Variants in ARMC2 observed in about 807,000 individuals in gnomAD.
The protein encoded by ARMC2 is armadillo repeat containing 2, also known as armadillo repeat-containing protein 2.
A neutral mutation model predicts 90.3 loss-of-function variants in ARMC2; 67 were observed. The ratio of observed to expected loss-of-function variants is 0.74; its 90% CI spans 0.61 to 0.91. ARMC2 has a LOEUF of 0.91. Ranked by LOEUF, ARMC2 falls within the 40% of genes least tolerant of loss-of-function variation. ARMC2 has a pLI of 0.00. For missense variants in ARMC2, 920 were observed against 1,030.9 expected (o/e 0.89, Z 1.47); for synonymous variants, 393 against 393.0 (o/e 1.00, Z 0.00).
intron 7 of ARMC2, among the ~76,000 whole-genome samples, chr6:108,903,594 C>A (rs1173581723): frequency 6.6e-6 from 1 of 152,136 alleles, no homozygotes; most frequent in Non-Finnish European, 1.5e-5. Context: ...ATACAATATT[C>A]TCACTGTACC....
chr6:108,999,732 C>T, the ARMC2 span, among the ~76,000 whole-genome samples: 8 of 152,030 alleles, frequency 5.3e-5, no homozygotes, highest in African/African-American at 1.9e-4. Flanking sequence ...CAAAGGTAAA[C>T]GTAGGCTTAC....
At chr6:108,960,739 G>A (rs1248152149) in intron 13 of ARMC2, among the ~76,000 whole-genome samples, 1 of 152,228 alleles carries the variant, frequency 6.6e-6, no homozygotes, top group Admixed American at 6.5e-5. Context: ...CTAGGAGGAC[G>A]TAAGGAGTGA....
intron 5 of ARMC2, among the ~76,000 whole-genome samples, chr6:108,894,009 C>CA (rs909752243): frequency 1.0e-3 from 158 of 151,788 alleles, no homozygotes; most frequent in African/African-American, 3.4e-3. Context: ...AAAACAAAAA[C>CA]AAAAAAAACC....
chr6:108,893,663 A>G (rs184838805), intron 5 of ARMC2, among the ~76,000 whole-genome samples: 259 of 152,364 alleles, frequency 1.7e-3, no homozygotes, highest in African/African-American at 5.7e-3. Flanking sequence ...TCATGTTGTT[A>G]GGCAAATATG....
the ARMC2 span, among the ~76,000 whole-genome samples, chr6:109,005,180 T>C: frequency 2.0e-5 from 3 of 152,230 alleles, no homozygotes; most frequent in East Asian, 1.9e-4. Flanking sequence ...CAGTGTTCAA[T>C]AGAAGGCTGT....
At chr6:108,866,902 C>A (rs1320550365) in intron 3 of ARMC2, among the ~76,000 whole-genome samples, 1 of 151,912 alleles carries the variant, frequency 6.6e-6, no homozygotes. Context: ...TTGAAATGAA[C>A]AACTTCTTGG....
chr6:108,920,559 A>C (rs183237772), intron 10 of ARMC2, among the ~76,000 whole-genome samples: 1 of 152,010 alleles, frequency 6.6e-6, no homozygotes, highest in African/African-American at 2.4e-5. Context: ...TTCTCCTCCA[A>C]TTTTCCAGGG....
intron 8 of ARMC2, 150 bp downstream of exon 8, chr6:108,904,555 G>A: frequency 1.5e-6 from 1 of 681,582 alleles, no homozygotes; most frequent in Non-Finnish European, 2.2e-6. Context: ...TGACATCTCA[G>A]AATTTGACTA....
intron 6 of ARMC2, among the ~76,000 whole-genome samples, chr6:108,899,409 T>C (rs74721487): frequency 1.3e-5 from 2 of 152,204 alleles, no homozygotes; most frequent in East Asian, 3.8e-4. Context: ...CAAAACTGTT[T>C]GCCTTACTGA....
At chr6:108,968,594 C>T (rs1217772093) in intron 17 of ARMC2, among the ~76,000 whole-genome samples, 3 of 152,114 alleles carry the variant, frequency 2.0e-5, no homozygotes, top group African/African-American at 4.8e-5. Context: ...CTGACCGGGT[C>T]GTGGCTGGGT....
At chr6:108,892,714 A>C (rs1266588191) in intron 5 of ARMC2, among the ~76,000 whole-genome samples, 1 of 150,630 alleles carries the variant, frequency 6.6e-6, no homozygotes, top group Non-Finnish European at 1.5e-5. Context: ...AGCCGAGATC[A>C]CGCCATTGCA....
chr6:108,967,926 C>G (rs78547592), intron 17 of ARMC2, among the ~76,000 whole-genome samples: 1 of 152,118 alleles, frequency 6.6e-6, no homozygotes, highest in African/African-American at 2.4e-5. Context: ...AGGTGCAGGC[C>G]CTTCCCACGT....
the ARMC2 span, among the ~76,000 whole-genome samples, chr6:109,015,970 A>G: frequency 6.6e-6 from 1 of 152,210 alleles, no homozygotes; most frequent in Non-Finnish European, 1.5e-5. Flanking sequence ...CTATAATTTT[A>G]AATACGAGGA....
chr6:108,962,580 T>G (rs1385283544), intron 15 of ARMC2, among the ~76,000 whole-genome samples: 3 of 152,252 alleles, frequency 2.0e-5, no homozygotes, highest in African/African-American at 7.2e-5. Context: ...TGCAGAGGAA[T>G]GCCTTGAATA....
At chr6:109,023,056 C>T in the ARMC2 span, among the ~76,000 whole-genome samples, 1 of 152,144 alleles carries the variant, frequency 6.6e-6, no homozygotes, top group Non-Finnish European at 1.5e-5. Flanking sequence ...CCTCTGTGAC[C>T]ACCCAAATCA....
At chr6:108,984,917 A>G in the ARMC2 span, among the ~76,000 whole-genome samples, 14 of 152,222 alleles carry the variant, frequency 9.2e-5, no homozygotes, top group East Asian at 2.5e-3. Flanking sequence ...ATTGGTTTCT[A>G]GAGTTCTCAC....
At chr6:108,994,533 TC>T in the ARMC2 span, 1 of 1,613,656 alleles carries the variant, frequency 6.2e-7, no homozygotes, top group Non-Finnish European at 8.5e-7. Context: ...CTGACTTGCC[TC>T]TTCTTCATCT....
the ARMC2 span, among the ~76,000 whole-genome samples, chr6:109,018,438 G>T: frequency 6.6e-6 from 1 of 152,170 alleles, no homozygotes; most frequent in Non-Finnish European, 1.5e-5. Context: ...ATCAGCTGAA[G>T]TAAAACTATA....
chr6:108,987,681 T>A, the ARMC2 span: 1 of 948,010 alleles, frequency 1.1e-6, no homozygotes, highest in Non-Finnish European at 1.7e-6. Flanking sequence ...GCATTCACAA[T>A]CAGTTTTTCA....
Sources: allele counts gnomAD v4.1 joint callset (sites outside exome capture counted in the v4.1 genomes callset), GRCh38; gene constraint gnomAD v4.1.1; transcripts MANE v1.5; gene names NCBI Gene and HGNC (gene_info 2026-07-23, HGNC 2026-07-21).